The following AFF2 variants were observed in gnomAD, a reference collection of about 807,000 sequenced individuals.
The protein encoded by AFF2 is AF4/FMR2 family member 2.
A neutral mutation model predicts 76.9 loss-of-function variants in AFF2; 14 were observed. The observed-to-expected ratio is 0.18, with a 90% CI of 0.12 to 0.28. The LOEUF (loss-of-function observed/expected upper bound fraction) is 0.28, where lower values mean the gene tolerates loss of function less well. Ranked by LOEUF, AFF2 falls within the 10% of genes least tolerant of loss-of-function variation. The probability of loss-of-function intolerance (pLI) is 1.00; values close to 1 mark genes in which losing one functional copy is unlikely to be tolerated. For missense variants in AFF2, 868 were observed against 1,001.1 expected (o/e 0.87, Z 1.79); for synonymous variants, 398 against 366.7 (o/e 1.09, Z -0.98).
chrX:148,692,929 T>C, intron 3 of AFF2, among the ~76,000 whole-genome samples: 1 of 110,817 alleles, frequency 9.0e-6, no homozygotes. Flanking sequence ...GTTTTTGTTT[T>C]TGTTTTTGTG....
At chrX:148,592,328 G>A (rs2053529917) in intron 1 of AFF2, among the ~76,000 whole-genome samples, 1 of 110,953 alleles carries the variant, frequency 9.0e-6, no homozygotes, top group African/African-American at 3.3e-5. Context: ...GTTTATTATA[G>A]AAGAAGCTCC....
intron 15 of AFF2, among the ~76,000 whole-genome samples, chrX:148,969,766 G>C (rs1703108015): frequency 9.2e-6 from 1 of 108,472 alleles, no homozygotes; most frequent in African/African-American, 3.6e-5. Context: ...GGTGGTGGTG[G>C]GGGGGTGATA....
At chrX:148,602,111 C>A in intron 1 of AFF2, among the ~76,000 whole-genome samples, 1 of 111,474 alleles carries the variant, frequency 9.0e-6, no homozygotes, top group Non-Finnish European at 1.9e-5. Flanking sequence ...AGAGGAGGTG[C>A]CATTTAAAAA....
At chrX:148,666,026 C>T (rs1194858418) in intron 3 of AFF2, among the ~76,000 whole-genome samples, 1 of 111,801 alleles carries the variant, frequency 8.9e-6, no homozygotes, top group African/African-American at 3.3e-5. Context: ...CTAAGCTATA[C>T]AAATAAGCAG....
chrX:148,873,331 G>C (rs941770668), intron 7 of AFF2, among the ~76,000 whole-genome samples: 15 of 110,453 alleles, frequency 1.4e-4, no homozygotes, highest in Non-Finnish European at 2.8e-4. Context: ...ACTGGGCCTT[G>C]CATAGACTCA....
In AFF2 at chrX:148,788,766, T is replaced by C. The variant is rs781963021; in HGVS notation, c.1042-21110T>C. ...TGGAGGGTCTCTCAGGGAAAACAGC[T>C]TGCTTATTACTTGGTTGGGTTTTCT... On this transcript the variant is annotated intron_variant, in intron 3 of 20. Coordinates refer to ENST00000370460, the MANE Select transcript of AFF2 (RefSeq NM_002025.4). Among the ~76,000 whole-genome samples the C allele has an allele frequency of 1.7e-4, 19 of 112,294 alleles. No homozygotes were observed. In the South Asian group the frequency reaches 4.5e-3, roughly 26 times the overall value.
At chrX:148,671,128 G>A (rs1414166660) in intron 3 of AFF2, among the ~76,000 whole-genome samples, 1 of 111,516 alleles carries the variant, frequency 9.0e-6, no homozygotes, top group Non-Finnish European at 1.9e-5. Context: ...TTTGGTTTCA[G>A]TGCATCTTTC....
At chrX:148,864,515 A>G (rs1468176862) in intron 7 of AFF2, among the ~76,000 whole-genome samples, 2 of 112,319 alleles carry the variant, frequency 1.8e-5, no homozygotes, top group Non-Finnish European at 1.9e-5. Context: ...TGTCCTAGAA[A>G]CAGGTAGATT....
intron 8 of AFF2, among the ~76,000 whole-genome samples, chrX:148,903,939 A>C (rs73612080): frequency 0.013 from 1,395 of 111,354 alleles, 21 homozygotes; most frequent in African/African-American, 0.043. Flanking sequence ...ATGCACCCAG[A>C]AGTCCACTTT....
chrX:148,693,737 C>T (rs1193832556), intron 3 of AFF2, among the ~76,000 whole-genome samples: 3 of 111,896 alleles, frequency 2.7e-5, no homozygotes, highest in South Asian at 3.8e-4. Flanking sequence ...AGATCTTGTC[C>T]GCCCAAGGAA....
intron 1 of AFF2, among the ~76,000 whole-genome samples, chrX:148,538,938 A>T (rs1271109068): frequency 9.0e-6 from 1 of 111,588 alleles, no homozygotes; most frequent in Non-Finnish European, 1.9e-5. Context: ...CATTAATTTG[A>T]TATTTAAACT....
chrX:148,978,232 T>C (rs1286838102), intron 17 of AFF2, 130 bp from the exon 18 acceptor site: 4 of 538,033 alleles, frequency 7.4e-6, no homozygotes, highest in Non-Finnish European at 9.3e-6. Context: ...TTAGAATTTC[T>C]TTATTTACTT....
chrX:148,868,874 G>A (rs1265169104), intron 7 of AFF2, among the ~76,000 whole-genome samples: 1 of 111,944 alleles, frequency 8.9e-6, no homozygotes, highest in African/African-American at 3.2e-5. Flanking sequence ...GTTCCCTCCA[G>A]CCTTTTATAA....
intron 3 of AFF2, among the ~76,000 whole-genome samples, chrX:148,766,595 C>G (rs1453699889): frequency 3.0e-3 from 241 of 81,227 alleles, no homozygotes; most frequent in African/African-American, 4.4e-3. Flanking sequence ...ATTGTAGATT[C>G]TGGTTATTAG....
chrX:148,501,638 C>A (rs1022894438), intron 1 of AFF2, among the ~76,000 whole-genome samples: 2 of 113,546 alleles, frequency 1.8e-5, no homozygotes, highest in Non-Finnish European at 3.7e-5. Context: ...CACCTCCATC[C>A]CTGCGCTGCG....
chrX:148,885,310 A>G (rs73638202), intron 7 of AFF2, among the ~76,000 whole-genome samples: 1,477 of 111,740 alleles, frequency 0.013, 33 homozygotes, highest in African/African-American at 0.046. Flanking sequence ...ATCAAATTTT[A>G]CAGGAAGAGA....
At chrX:148,627,077 G>T (rs782508703) in intron 1 of AFF2, among the ~76,000 whole-genome samples, 1 of 111,309 alleles carries the variant, frequency 9.0e-6, no homozygotes, top group African/African-American at 3.3e-5. Context: ...TAGACATGGT[G>T]TCATGCACCT....
intron 3 of AFF2, among the ~76,000 whole-genome samples, chrX:148,765,384 A>G (rs2069501167): frequency 9.0e-6 from 1 of 111,608 alleles, no homozygotes; most frequent in Non-Finnish European, 1.9e-5. Context: ...ACAATGATGC[A>G]TATTATTGTA....
chrX:148,810,286 A>G (rs1032362746), intron 4 of AFF2, among the ~76,000 whole-genome samples: 7 of 111,940 alleles, frequency 6.3e-5, no homozygotes, highest in Non-Finnish European at 9.4e-5. Context: ...TATGTGGAAC[A>G]TGGTTACCGA....
Sources: allele counts gnomAD v4.1 joint callset (sites outside exome capture counted in the v4.1 genomes callset), GRCh38; gene constraint gnomAD v4.1.1; transcripts MANE v1.5; gene names NCBI Gene and HGNC (gene_info 2026-07-23, HGNC 2026-07-21).